The following ABLIM2 variants were observed in gnomAD, a reference collection of about 807,000 sequenced individuals.
ABLIM2 encodes the protein actin binding LIM protein family member 2.
ABLIM2 carries 53 observed loss-of-function variants against 97.7 expected under a neutral mutation model. The ratio of observed to expected loss-of-function variants is 0.54; its 90% confidence interval spans 0.44 to 0.68. ABLIM2 has a LOEUF of 0.68. ABLIM2 is among the 30% of genes least tolerant of loss of function. ABLIM2 has a pLI of 0.00. For missense variants in ABLIM2, 835 were observed against 867.2 expected (o/e 0.96, Z 0.47); for synonymous variants, 361 against 345.8 (o/e 1.04, Z -0.49).
At chr4:8,079,547 T>C (rs75791447) in intron 5 of ABLIM2, among the ~76,000 whole-genome samples, 3,471 of 152,258 alleles carry the variant, frequency 0.023, 143 homozygotes, top group African/African-American at 0.079. Flanking sequence ...TTTGGAGGTT[T>C]TACTTAAAAT....
intron 2 of ABLIM2, among the ~76,000 whole-genome samples, chr4:8,099,368 G>C (rs191005921): frequency 6.6e-6 from 1 of 152,154 alleles, no homozygotes; most frequent in South Asian, 2.1e-4. Flanking sequence ...AAGACGTGAC[G>C]GCGTGAGCTG....
intron 3 of ABLIM2, among the ~76,000 whole-genome samples, chr4:8,093,678 T>C (rs891276527): frequency 2.0e-5 from 3 of 152,242 alleles, no homozygotes; most frequent in African/African-American, 7.2e-5. Flanking sequence ...TTAAGAAATG[T>C]TGTTCTATTG....
chr4:8,048,560 T>C (rs1022047422), intron 8 of ABLIM2, among the ~76,000 whole-genome samples: 3 of 152,170 alleles, frequency 2.0e-5, no homozygotes, highest in Admixed American at 2.0e-4. Flanking sequence ...AGAACTCCAA[T>C]GCCAAGCCTC....
chr4:8,043,530 G>A lies in ABLIM2; in HGVS notation c.900+1634C>T, dbSNP rs566014845. Among the ~76,000 whole-genome samples, 10 of 152,088 alleles carry A rather than the reference G, an allele frequency of 6.6e-5. No individual in the cohort carries two copies. The highest frequency in any genetic ancestry group is 1.9e-4 in the East Asian group (1 of 5,182). The stretch of plus-strand genomic sequence containing the variant: ...GAGGTCATCAAGTTAAAACAAGACC[G>A]TTAGGGTGGATCCAATCCAATCTGC... On this transcript the variant is annotated intron_variant, in intron 9 of 20. Transcript: ENST00000447017. This position sits in a 1 kb window ranked among gnomAD's most constrained non-coding sequence, Gnocchi z 4.8.
At chr4:8,064,509 C>T (rs1016603341) in intron 6 of ABLIM2, among the ~76,000 whole-genome samples, 2 of 152,220 alleles carry the variant, frequency 1.3e-5, no homozygotes, top group East Asian at 1.9e-4. Context: ...GCCCCCTTCA[C>T]GCTGGACTTC....
At chr4:8,035,214 GC>G (rs1783845764) in intron 10 of ABLIM2, among the ~76,000 whole-genome samples, 2 of 152,014 alleles carry the variant, frequency 1.3e-5, no homozygotes, top group African/African-American at 4.8e-5. Context: ...ATCCACAGGG[GC>G]AGAAGCAAGT....
Position 8,020,249 on chromosome 4 carries a change from G to A in ABLIM2, c.1322C>T (p.Pro441Leu), listed in dbSNP as rs187056157. ...TGCCTGCTGGTAGGTGGAGGGGGGC[G>A]GCTTGCTGTCAGAGAGCACGGAGAG... is the stretch of plus-strand genomic sequence containing the variant. ...PSLSVLSDSKPPPSTYQQAPR... is the reference protein window; with the variant it reads ...PSLSVLSDSKLPPSTYQQAPR... Residue 441 changes from proline (P) to leucine (L), a missense_variant, in exon 13 of 21, where the codon CCG (proline) becomes CTG (leucine). Physicochemically the swap from Pro to Leu is moderately conservative, Grantham distance 98. Transcript: ENST00000447017. The A allele has an allele frequency of 5.9e-5, 95 of 1,613,926 alleles. 1 individual carries two copies. The highest frequency in any genetic ancestry group is 5.7e-4 in the South Asian group (52 of 91,058).
At chr4:7,975,079 G>A (rs1234914984) in intron 20 of ABLIM2, among the ~76,000 whole-genome samples, 5 of 152,182 alleles carry the variant, frequency 3.3e-5, no homozygotes, top group Admixed American at 2.6e-4. Context: ...TTAGCTGGGC[G>A]TGGTGGCACA....
chr4:8,155,377 G>A lies in ABLIM2; in HGVS notation c.10+3303C>T, dbSNP rs371537252. ...AGTCTGGGGACTAGGGCTCAGGTTC[G>A]GGCTCTGCCACATCCTCTCCTTGGC... On this transcript the variant is annotated intron_variant, in intron 1 of 20. Transcript: ENST00000447017. The surrounding 1 kb of genome is among the most constrained non-coding windows in gnomAD (Gnocchi z 4.2). Among the ~76,000 whole-genome samples the A allele has an allele frequency of 3.9e-5, 6 of 152,256 alleles. No individual in the cohort carries two copies. The highest frequency in any genetic ancestry group is 3.9e-4 in the East Asian group (2 of 5,172).
intron 10 of ABLIM2, among the ~76,000 whole-genome samples, chr4:8,030,883 C>T (rs900168694): frequency 6.6e-6 from 1 of 152,212 alleles, no homozygotes; most frequent in Non-Finnish European, 1.5e-5. Flanking sequence ...TGATGCCCAG[C>T]TGCTGCTGGC....
chr4:8,137,956 C>G (rs886449327), intron 1 of ABLIM2, among the ~76,000 whole-genome samples: 13 of 152,192 alleles, frequency 8.5e-5, no homozygotes, highest in Admixed American at 7.9e-4. Flanking sequence ...AAAATGTGGC[C>G]CAGCCATTCA....
Position 8,124,285 on chromosome 4 carries a change from G to A in ABLIM2, c.11-17648C>T, listed in dbSNP as rs1055116664. Among the ~76,000 whole-genome samples the A allele has an allele frequency of 2.6e-5, 4 of 152,152 alleles. No individual in the cohort carries two copies. The highest frequency in any genetic ancestry group is 6.5e-5 in the Admixed American group (1 of 15,276). On this transcript the variant is annotated intron_variant, in intron 1 of 20. Coordinates refer to ENST00000447017, the MANE Select transcript of ABLIM2 (RefSeq NM_001130083.2). This position sits in a 1 kb window ranked among gnomAD's most constrained non-coding sequence, Gnocchi z 6.1. ...TCATTGAGATATAATTCACATAGCC[G>A]TACAATTTGCCTGTTTGGAATGCAC... is the stretch of plus-strand genomic sequence containing the variant.
chr4:8,154,103 C>T (rs1387436327), intron 1 of ABLIM2, among the ~76,000 whole-genome samples: 2 of 151,540 alleles, frequency 1.3e-5, no homozygotes, highest in African/African-American at 4.9e-5. Context: ...GCTGGGTCTA[C>T]AGGCACCTGC....
chr4:8,007,624 C>T (rs905031118), intron 16 of ABLIM2: 36 of 992,232 alleles, frequency 3.6e-5, no homozygotes, highest in African/African-American at 1.4e-4. Flanking sequence ...GGCTGTGCCT[C>T]GTTCAGGATG....
chr4:8,000,704 TC>T (rs374982782), intron 16 of ABLIM2, among the ~76,000 whole-genome samples: 14 of 152,114 alleles, frequency 9.2e-5, no homozygotes, highest in African/African-American at 3.1e-4. Context: ...CAGGGAGCTG[TC>T]CCCGGAGGCT....
At chr4:8,096,955 G>A in intron 3 of ABLIM2, 144 bp downstream of exon 3, 1 of 1,076,428 alleles carries the variant, frequency 9.3e-7, no homozygotes, top group Non-Finnish European at 1.3e-6. Flanking sequence ...GAAGGGTGCA[G>A]ACTGTGGGGC....
chr4:8,158,518 G>T (rs1242610064), intron 1 of ABLIM2, among the ~76,000 whole-genome samples, 162 bp downstream of exon 1: 1 of 152,110 alleles, frequency 6.6e-6, no homozygotes, highest in Non-Finnish European at 1.5e-5. Flanking sequence ...AGAGGGCTGC[G>T]CTCTGGCCCC....
chr4:8,076,558 G>A (rs1561201165), intron 6 of ABLIM2, among the ~76,000 whole-genome samples: 2 of 151,958 alleles, frequency 1.3e-5, no homozygotes, highest in Non-Finnish European at 2.9e-5. Context: ...AACCCCAGAG[G>A]CCAGCTCCTG....
chr4:8,013,825 C>T (rs1050932721), intron 14 of ABLIM2, among the ~76,000 whole-genome samples: 1 of 152,236 alleles, frequency 6.6e-6, no homozygotes, highest in African/African-American at 2.4e-5. Context: ...TGAGTCTCTG[C>T]ACTCCCTTCA....
Sources: gnomAD v4.1 joint callset for allele counts (sites outside exome capture counted in the v4.1 genomes callset) on GRCh38, gnomAD v4.1.1 for gene constraint, Gnocchi (gnomAD v3.1) non-coding constraint, MANE v1.5 for transcripts, NCBI Gene and HGNC (gene_info 2026-07-23, HGNC 2026-07-21) for gene names.